Variants in ERC2 observed in about 807,000 individuals in gnomAD.
ERC2 encodes ELKS/RAB6-interacting/CAST family member 2.
ERC2 carries 42 observed loss-of-function variants against 114.8 expected under a neutral mutation model. That is an observed-to-expected ratio of 0.37 (90% confidence interval 0.29 to 0.47). The LOEUF is 0.47. Ranked by LOEUF, ERC2 falls within the 20% of genes least tolerant of loss-of-function variation. The pLI, the probability that ERC2 is intolerant of heterozygous loss-of-function variation, is 0.99. For missense variants in ERC2, 939 were observed against 1,150.7 expected (o/e 0.82, Z 2.66); for synonymous variants, 454 against 425.5 (o/e 1.07, Z -0.82).
chr3:55,703,395 A>T (rs185610082), intron 15 of ERC2, among the ~76,000 whole-genome samples: 8 of 152,278 alleles, frequency 5.3e-5, no homozygotes, highest in Admixed American at 3.9e-4. Context: ...AGTTATATCC[A>T]TTAGTTCTCT....
At chr3:55,676,944 T>G (rs2061841686) in intron 17 of ERC2, among the ~76,000 whole-genome samples, 1 of 152,172 alleles carries the variant, frequency 6.6e-6, no homozygotes, top group South Asian at 2.1e-4. Context: ...TGTGGTCATA[T>G]CTAAGCCAAC....
At chr3:55,769,161 T>C (rs1224957856) in intron 14 of ERC2, among the ~76,000 whole-genome samples, 2 of 152,290 alleles carry the variant, frequency 1.3e-5, no homozygotes, top group South Asian at 2.1e-4. Context: ...CTGGTAAATA[T>C]ATACCAAATG....
intron 13 of ERC2, among the ~76,000 whole-genome samples, chr3:55,924,464 C>A (rs2065633607): frequency 6.6e-6 from 1 of 152,098 alleles, no homozygotes; most frequent in Non-Finnish European, 1.5e-5. Context: ...ATCTTCAGTC[C>A]AGATCTCTGT....
chr3:55,657,743 A>T (rs778931706), intron 17 of ERC2: 2 of 152,202 alleles, frequency 1.3e-5, no homozygotes, highest in African/African-American at 2.4e-5. Flanking sequence ...TACAGGTGTA[A>T]GCCACCGCAC....
chr3:55,656,061 C>T (rs1237315070), intron 17 of ERC2, among the ~76,000 whole-genome samples: 4 of 152,092 alleles, frequency 2.6e-5, no homozygotes, highest in Admixed American at 2.6e-4. Context: ...CTGCTTGGCC[C>T]CTCTCATCCA....
chr3:56,225,075 C>A (rs575388613), intron 3 of ERC2, among the ~76,000 whole-genome samples: 63 of 152,230 alleles, frequency 4.1e-4, no homozygotes, highest in African/African-American at 1.5e-3. Flanking sequence ...CAGCTCTTCT[C>A]ATATTCTCCT....
intron 2 of ERC2, among the ~76,000 whole-genome samples, chr3:56,391,869 A>C (rs1479848245): frequency 1.3e-5 from 2 of 152,202 alleles, no homozygotes; most frequent in Admixed American, 1.3e-4. Flanking sequence ...AAACATTAAA[A>C]ATAACCTTCT....
intron 3 of ERC2, among the ~76,000 whole-genome samples, chr3:56,192,966 G>A (rs938496061): frequency 6.6e-6 from 1 of 152,158 alleles, no homozygotes; most frequent in African/African-American, 2.4e-5. Context: ...GGGTCCCAAA[G>A]GCAGAGGAAT....
chr3:55,979,506 A>G (rs1216886708), intron 12 of ERC2, among the ~76,000 whole-genome samples: 2 of 152,228 alleles, frequency 1.3e-5, no homozygotes, highest in Non-Finnish European at 2.9e-5. Context: ...GAAATAGTAC[A>G]TTCCATCAAA....
intron 2 of ERC2, among the ~76,000 whole-genome samples, chr3:56,369,255 C>A (rs1272492618): frequency 6.6e-6 from 1 of 152,112 alleles, no homozygotes; most frequent in Non-Finnish European, 1.5e-5. Context: ...TAGATTATCC[C>A]AAACAGTACC....
At chr3:56,454,858 CAGAAA>C (rs2062989703) in intron 1 of ERC2, among the ~76,000 whole-genome samples, 3 of 21,638 alleles carry the variant, frequency 1.4e-4, no homozygotes, top group Admixed American at 1.3e-3. Flanking sequence ...GACTCTGTCT[CAGAAA>C]AAAAAAAAAA....
At chr3:56,209,041 T>G (rs960857370) in intron 3 of ERC2, among the ~76,000 whole-genome samples, 3 of 152,120 alleles carry the variant, frequency 2.0e-5, no homozygotes, top group Admixed American at 2.0e-4. Context: ...TCCCCTCCTC[T>G]GCTGAACCCC....
At chr3:55,549,479 T>TC (rs902867668) in intron 17 of ERC2, among the ~76,000 whole-genome samples, 42 of 143,208 alleles carry the variant, frequency 2.9e-4, no homozygotes, top group Non-Finnish European at 4.8e-4. Flanking sequence ...CGCCTTACCT[T>TC]TTTTTTTTTT....
chr3:55,829,661 T>C (rs534803449), intron 14 of ERC2, among the ~76,000 whole-genome samples: 1 of 152,296 alleles, frequency 6.6e-6, no homozygotes, highest in Admixed American at 6.5e-5. Flanking sequence ...ACCACAGGTG[T>C]GCACCACCAC....
At chr3:56,438,587 T>C (rs1486208214) in intron 1 of ERC2, among the ~76,000 whole-genome samples, 1 of 152,248 alleles carries the variant, frequency 6.6e-6, no homozygotes, top group African/African-American at 2.4e-5. Flanking sequence ...TTTCTTTCTA[T>C]GGTTCCAACA....
At chr3:55,714,076 C>A (rs2063938784) in intron 15 of ERC2, among the ~76,000 whole-genome samples, 1 of 152,098 alleles carries the variant, frequency 6.6e-6, no homozygotes, top group Admixed American at 6.6e-5. Flanking sequence ...TAGGTGAGGA[C>A]CAATATTGAA....
intron 13 of ERC2, among the ~76,000 whole-genome samples, chr3:55,892,591 T>C (rs2063664148): frequency 6.6e-6 from 1 of 152,222 alleles, no homozygotes; most frequent in Non-Finnish European, 1.5e-5. Flanking sequence ...GAAAATGTTT[T>C]AGCTTTCTTC....
chr3:56,354,026 G>C (rs920102585), intron 2 of ERC2, among the ~76,000 whole-genome samples: 5 of 152,068 alleles, frequency 3.3e-5, no homozygotes, highest in Admixed American at 1.3e-4. Context: ...TAAGTGGCAG[G>C]AATCAGGCAG....
intron 14 of ERC2, among the ~76,000 whole-genome samples, chr3:55,830,451 T>C (rs1231385809): frequency 1.3e-5 from 2 of 152,234 alleles, no homozygotes; most frequent in African/African-American, 2.4e-5. Flanking sequence ...AAACTACGTA[T>C]GATTGCTAAA....
Sources: gnomAD v4.1 joint callset for allele counts (sites outside exome capture counted in the v4.1 genomes callset) on GRCh38, gnomAD v4.1.1 for gene constraint, MANE v1.5 for transcripts, NCBI Gene and HGNC (gene_info 2026-07-23, HGNC 2026-07-21) for gene names.